The following CCNB2 variants were observed in gnomAD, a reference collection of about 807,000 sequenced individuals.
CCNB2 encodes cyclin B2.
CCNB2 carries 39 observed loss-of-function variants against 51.1 expected under a neutral mutation model. The ratio of observed to expected loss-of-function variants is 0.76; its 90% CI spans 0.59 to 1.00. The LOEUF is 1.00. CCNB2 is among the 50% of genes least tolerant of loss of function. The pLI is 0.00. For missense variants in CCNB2, 472 were observed against 470.3 expected, an observed-to-expected ratio of 1.00 and a Z score of -0.03; for synonymous variants, 174 against 165.5, an observed-to-expected ratio of 1.05 and a Z score of -0.40.
At chr15:59,117,124 G>T in intron 6 of CCNB2, 104 bp from the exon 7 acceptor site, 6 of 1,204,178 alleles carry the variant, frequency 5.0e-6, no homozygotes, top group Non-Finnish European at 7.2e-6. Flanking sequence ...TCTTGAGAAG[G>T]ATAAGTGAGT....
chr15:59,120,434 G>A (rs1440605141), intron 7 of CCNB2, among the ~76,000 whole-genome samples: 3 of 152,078 alleles, frequency 2.0e-5, no homozygotes, highest in Non-Finnish European at 4.4e-5. Context: ...AGGCTGCATT[G>A]ACCTATGATT....
In CCNB2 at chr15:59,117,245, C is replaced by T. The variant is rs747229243; in HGVS notation, c.852C>T (p.His284=). The part of the protein sequence containing the change: ...SKAGEVDVEQ[H]TLAKYLMELT... ...TTTCTTAGGTTGATGTTGAACAGCA[C>T]ACTTTAGCCAAGTATTTGATGGAGC... The change falls in exon 7 of 9, where the codon CAC becomes CAT. Residue 284 remains histidine, a synonymous_variant. Transcript: ENST00000288207. 1.2e-6 allele frequency: 2 copies of T among 1,612,934 alleles called. No homozygotes were observed. Among genetic ancestry groups the T allele is most frequent in the East Asian group, 2.2e-5 (1 of 44,874 alleles).
intron 3 of CCNB2, among the ~76,000 whole-genome samples, chr15:59,108,086 C>A (rs1250426911): frequency 6.6e-6 from 1 of 152,032 alleles, no homozygotes; most frequent in Non-Finnish European, 1.5e-5. Context: ...TCAGAAAATT[C>A]ATGGAATGAG....
intron 5 of CCNB2, 36 bp downstream of exon 5, chr15:59,114,912 C>T (rs763151919): frequency 2.5e-6 from 4 of 1,577,564 alleles, no homozygotes; most frequent in East Asian, 4.5e-5. Flanking sequence ...GCCAGTGGCT[C>T]ATTGAACATT....
Position 59,116,921 on chromosome 15 carries a change from G to A in CCNB2, c.829G>A (p.Gly277Arg), listed in dbSNP as rs373918972. ...CTTCTTAAGGCGAGCATCAAAAGCC[G>A]GGGAGGTAAGTGCCTCCAGCTCTGT... ...LHFLRRASKA[G>R]EVDVEQHTLA... The change falls in exon 6 of 9, where the codon GGG becomes AGG. Residue 277 changes from glycine (G) to arginine (R), a missense_variant. Physicochemically the swap from Gly to Arg is moderately radical, Grantham distance 125 (BLOSUM62 -2). Transcript: ENST00000288207. 19 of 1,612,274 alleles carry A rather than the reference G, an allele frequency of 1.2e-5. No individual in the cohort carries two copies. The highest frequency in any genetic ancestry group is 6.6e-5 in the South Asian group (6 of 91,040).
chr15:59,124,854 T>A lies in CCNB2; in HGVS notation c.1174T>A (p.Ser392Thr). Residue 392 changes from serine (S) to threonine (T), a missense_variant, in exon 9 of 9, where the codon TCC (serine) becomes ACC (threonine). Transcript: ENST00000288207. ...CTCAAAAGCCGTCAAAGACCTTGCCTCCCCACTGATAGGAAGGTCCTAGGC... is the reference window on the plus strand; with the variant it reads ...CTCAAAAGCCGTCAAAGACCTTGCCACCCCACTGATAGGAAGGTCCTAGGC... Reference protein sequence around the residue: ...LNSKAVKDLASPLIGRS With the variant: ...LNSKAVKDLATPLIGRS 1 of 1,598,968 alleles carries A rather than the reference T, an allele frequency of 6.3e-7. No homozygotes were observed. Among genetic ancestry groups the A allele is most frequent in the Non-Finnish European group, 8.5e-7 (1 of 1,172,738 alleles).
At chr15:59,120,504 T>C (rs1368318183) in intron 7 of CCNB2, among the ~76,000 whole-genome samples, 2 of 152,128 alleles carry the variant, frequency 1.3e-5, no homozygotes, top group Non-Finnish European at 2.9e-5. Context: ...TTGAAAGGAC[T>C]CTGGCTGACT....
chr15:59,114,493 G>T lies in CCNB2; in HGVS notation c.317G>T (p.Cys106Phe), dbSNP rs767834376. The T allele has an allele frequency of 6.2e-7, 1 of 1,613,336 alleles. No individual in the cohort carries two copies. Among genetic ancestry groups the T allele is most frequent in the Non-Finnish European group, 8.5e-7 (1 of 1,179,712 alleles). Residue 106 changes from cysteine (C) to phenylalanine (F), a missense_variant, in exon 4 of 9, where the codon TGC becomes TTC. By Grantham distance (205) the Cys-to-Phe change is radical. Transcript: ENST00000288207. ...EDVSMKEENL[C>F]QAFSDALLCK... ...GTCTCCATGAAGGAAGAGAATCTCT[G>T]CCAAGCTTTTTCTGATGCCTTGCTC...
chr15:59,106,923 A>G (rs2079237673), intron 1 of CCNB2, among the ~76,000 whole-genome samples: 1 of 152,220 alleles, frequency 6.6e-6, no homozygotes, highest in Non-Finnish European at 1.5e-5. Flanking sequence ...ATCTTAATTT[A>G]CTTTTTACCA....
At chr15:59,107,069 C>T (rs1466731449) in intron 1 of CCNB2, among the ~76,000 whole-genome samples, 2 of 152,128 alleles carry the variant, frequency 1.3e-5, no homozygotes, top group East Asian at 3.8e-4. Context: ...CACTTGAATA[C>T]TCAGAATAGC....
At chr15:59,124,616 T>C in intron 8 of CCNB2, 151 bp from the exon 9 acceptor site, 1 of 655,292 alleles carries the variant, frequency 1.5e-6, no homozygotes, top group Non-Finnish European at 2.7e-6. Context: ...GCACATGTTA[T>C]GAGCCCAGAG....
intron 5 of CCNB2, chr15:59,115,862 C>T (rs1267983656): frequency 2.0e-5 from 3 of 152,144 alleles, no homozygotes; most frequent in African/African-American, 4.8e-5. Flanking sequence ...TCCCAAGTAG[C>T]TGGGACTATA....
chr15:59,114,893 G>A lies in CCNB2; in HGVS notation c.597+17G>A. 2 of 1,602,668 alleles carry A rather than the reference G, an allele frequency of 1.2e-6. No homozygotes were observed. The highest frequency in any genetic ancestry group is 1.7e-5 in the Admixed American group (1 of 59,458). On this transcript the variant is annotated intron_variant, in intron 5 of 8. Transcript: ENST00000288207. ...TTTTTACAGGTAGGTGTGGCTTCAG[G>A]GACTTCACGCCAGTGGCTCATTGAA... is the stretch of plus-strand genomic sequence containing the variant.
At chr15:59,120,259 A>G (rs566672971) in intron 7 of CCNB2, among the ~76,000 whole-genome samples, 1 of 152,084 alleles carries the variant, frequency 6.6e-6, no homozygotes, top group African/African-American at 2.4e-5. Context: ...ATGGCAGGGG[A>G]AGTACAAGGT....
At chr15:59,106,412 C>G (rs1217902296) in intron 1 of CCNB2, among the ~76,000 whole-genome samples, 1 of 152,108 alleles carries the variant, frequency 6.6e-6, no homozygotes, top group Non-Finnish European at 1.5e-5. Flanking sequence ...TTCCCTGGCC[C>G]CTCTCTCTGC....
At chr15:59,115,550 T>C (rs188664581) in intron 5 of CCNB2, 1 of 152,242 alleles carries the variant, frequency 6.6e-6, no homozygotes. Context: ...GCCCTGCAGA[T>C]AAGGTTTTAT....
In CCNB2 at chr15:59,116,696, C is replaced by G. The variant is rs1312589425; in HGVS notation, c.604C>G (p.Pro202Ala). 1 of 1,608,020 alleles carries G rather than the reference C, an allele frequency of 6.2e-7. No homozygotes were observed. Among genetic ancestry groups the G allele is most frequent in the African/African-American group, 1.3e-5 (1 of 74,880 alleles). Reference protein sequence around the residue: ...GIMDRFLQVQPVSRKKLQLVG... With the variant: ...GIMDRFLQVQAVSRKKLQLVG... The stretch of plus-strand genomic sequence containing the variant: ...TACATTAATTTTCCATTAGGTTCAG[C>G]CAGTTTCCCGGAAGAAGCTTCAATT... Residue 202 changes from proline (P) to alanine (A), a missense_variant, in exon 6 of 9, where the codon CCA becomes GCA. Pro to Ala is a conservative substitution (Grantham distance 27). Transcript: ENST00000288207.
chr15:59,119,540 A>C (rs1367389387), intron 7 of CCNB2, among the ~76,000 whole-genome samples: 10 of 152,072 alleles, frequency 6.6e-5, no homozygotes, highest in Non-Finnish European at 1.5e-4. Context: ...AAAGTATGAC[A>C]AAATAAAGGA....
Position 59,124,791 on chromosome 15 carries a change from A to C in CCNB2, c.1111A>C (p.Ser371Arg). The C allele has an allele frequency of 6.2e-7, 1 of 1,613,934 alleles. No homozygotes were observed. Among genetic ancestry groups the C allele is most frequent in the Non-Finnish European group, 8.5e-7 (1 of 1,179,874 alleles). ...GGCCATCAAGAATAAGTATGCAAGC[A>C]GCAAACTCCTGAAGATCAGCATGAT... is the stretch of plus-strand genomic sequence containing the variant. Reference protein sequence around the residue: ...FIAIKNKYASSKLLKISMIPQ... With the variant: ...FIAIKNKYASRKLLKISMIPQ... Residue 371 changes from serine to arginine, a missense_variant, in exon 9 of 9, where the codon AGC becomes CGC. Physicochemically the swap from Ser to Arg is moderately radical, Grantham distance 110. Transcript: ENST00000288207.
Sources: gnomAD v4.1 joint callset for allele counts (sites outside exome capture counted in the v4.1 genomes callset) on GRCh38, gnomAD v4.1.1 for gene constraint, MANE v1.5 for transcripts, NCBI Gene and HGNC (gene_info 2026-07-23, HGNC 2026-07-21) for gene names.